SLC25A21: variants seen among roughly 807,000 people sequenced by gnomAD.
The protein encoded by SLC25A21 is mitochondrial 2-oxodicarboxylate carrier.
SLC25A21 carries 47 observed loss-of-function variants against 43.8 expected under a neutral mutation model. That is an observed-to-expected ratio of 1.07 (90% CI 0.85 to 1.37). The LOEUF is 1.37. Among genes scored for constraint, SLC25A21 ranks in the 40% most tolerant of loss-of-function variants. The pLI is 0.00. For missense variants in SLC25A21, 352 were observed against 350.2 expected (o/e 1.00, Z -0.04); for synonymous variants, 131 against 121.3 (o/e 1.08, Z -0.52).
At chr14:36,840,376 T>A (rs1889347993) in intron 2 of SLC25A21, among the ~76,000 whole-genome samples, 2 of 152,212 alleles carry the variant, frequency 1.3e-5, no homozygotes, top group African/African-American at 4.8e-5. Context: ...TCCTTATCTT[T>A]TGAATGAATT....
chr14:37,170,612 T>C (rs980076131), intron 1 of SLC25A21, among the ~76,000 whole-genome samples: 6 of 151,938 alleles, frequency 3.9e-5, no homozygotes, highest in Admixed American at 3.3e-4. Flanking sequence ...ATTGGAAAAC[T>C]GAAAGAGCAA....
In SLC25A21 at chr14:36,792,231, G is replaced by C. The variant is rs1033668564; in HGVS notation, c.203+21687C>G. On this transcript the variant is annotated intron_variant, in intron 3 of 9. Coordinates refer to ENST00000331299, the MANE Select transcript of SLC25A21 (RefSeq NM_030631.4). ...GCTAGTCCTAAAGAAGGAGAGAATA[G>C]GGCAATATTTTCCATTTAGGAGCAA... Among the ~76,000 whole-genome samples, 12 of 152,100 alleles carry C rather than the reference G, an allele frequency of 7.9e-5. 1 individual carries two copies. Among genetic ancestry groups the C allele is most frequent in the Admixed American group, 7.2e-4 (11 of 15,262 alleles).
intron 1 of SLC25A21, among the ~76,000 whole-genome samples, chr14:36,897,678 G>A (rs1056850590): frequency 2.0e-5 from 3 of 152,092 alleles, no homozygotes; most frequent in Admixed American, 6.6e-5. Context: ...TCTACCTTTG[G>A]TCTTTGATGA....
chr14:37,038,930 T>C (rs1467486), intron 1 of SLC25A21, among the ~76,000 whole-genome samples: 71,340 of 151,970 alleles, frequency 0.47, 19,145 homozygotes, highest in African/African-American at 0.75. Context: ...CCCGACACCA[T>C]ACAGGCCACA....
intron 1 of SLC25A21, among the ~76,000 whole-genome samples, chr14:37,130,886 T>C (rs1386252140): frequency 1.3e-5 from 2 of 152,182 alleles, no homozygotes; most frequent in East Asian, 1.9e-4. Flanking sequence ...TTTGGCCAAA[T>C]TGTTAAAGGT....
intron 1 of SLC25A21, among the ~76,000 whole-genome samples, chr14:36,877,661 G>A (rs1394091674): frequency 3.3e-5 from 5 of 152,158 alleles, no homozygotes; most frequent in Non-Finnish European, 7.4e-5. Context: ...ATGGGAGCAG[G>A]TGAGGGGTAG....
rs140657266 is a variant in SLC25A21, at chr14:37,007,600, A to AAATAATAATAATAATAATAAT, written c.71-132617_71-132597dup. Among the ~76,000 whole-genome samples, 595 of 148,104 alleles carry AAATAATAATAATAATAATAAT rather than the reference A, an allele frequency of 4.0e-3. 3 individuals carry two copies. The highest frequency in any genetic ancestry group is 0.012 in the African/African-American group (477 of 39,760). On this transcript the variant is annotated intron_variant, in intron 1 of 9. Coordinates refer to ENST00000331299, the MANE Select transcript of SLC25A21 (RefSeq NM_030631.4). ...CCTGACAGACAAGACTCCCTCTCAA[A>AAATAATAATAATAATAATAAT]AATAATAATAATAATAATAATAAAG...
At chr14:36,806,250 A>C (rs1888038645) in intron 3 of SLC25A21, among the ~76,000 whole-genome samples, 1 of 152,092 alleles carries the variant, frequency 6.6e-6, no homozygotes, top group Admixed American at 6.6e-5. Context: ...TTTTAAAAAA[A>C]GAGGTGGGTT....
At chr14:37,072,730 G>T (rs1962198152) in intron 1 of SLC25A21, among the ~76,000 whole-genome samples, 1 of 151,956 alleles carries the variant, frequency 6.6e-6, no homozygotes, top group African/African-American at 2.4e-5. Flanking sequence ...GGCGGAGCAA[G>T]ACTCTGTCTC....
At chr14:36,840,718 A>T (rs1889359212) in intron 2 of SLC25A21, among the ~76,000 whole-genome samples, 3 of 152,246 alleles carry the variant, frequency 2.0e-5, no homozygotes, top group Non-Finnish European at 2.9e-5. Context: ...GTAACACACA[A>T]GCTTCTTAGT....
intron 1 of SLC25A21, among the ~76,000 whole-genome samples, chr14:36,931,438 G>A (rs1464646102): frequency 6.6e-6 from 1 of 152,140 alleles, no homozygotes; most frequent in African/African-American, 2.4e-5. Context: ...GAGAAATGGA[G>A]AGCATTTGGC....
intron 1 of SLC25A21, among the ~76,000 whole-genome samples, chr14:37,125,234 C>T (rs1963277094): frequency 6.6e-6 from 1 of 152,104 alleles, no homozygotes; most frequent in Non-Finnish European, 1.5e-5. Flanking sequence ...CCTAAGGACT[C>T]TTCTGATAAA....
chr14:36,849,533 C>A (rs1889656307), intron 2 of SLC25A21, among the ~76,000 whole-genome samples: 1 of 152,150 alleles, frequency 6.6e-6, no homozygotes, highest in Non-Finnish European at 1.5e-5. Flanking sequence ...AAACCCTCCT[C>A]AAGGGAAAAG....
intron 1 of SLC25A21, among the ~76,000 whole-genome samples, chr14:36,956,549 G>C (rs962505351): frequency 5.3e-5 from 8 of 152,140 alleles, no homozygotes; most frequent in Non-Finnish European, 4.4e-5. Context: ...TAGCTCCCTA[G>C]CATTTGCTCA....
chr14:37,150,349 A>T (rs978177695), intron 1 of SLC25A21, among the ~76,000 whole-genome samples: 1 of 152,198 alleles, frequency 6.6e-6, no homozygotes, highest in Admixed American at 6.5e-5. Flanking sequence ...CTCTAATTCA[A>T]ATTTTACGGC....
At chr14:37,161,962 CAAAAA>C (rs36029964) in intron 1 of SLC25A21, among the ~76,000 whole-genome samples, 1 of 86,282 alleles carries the variant, frequency 1.2e-5, no homozygotes, top group Admixed American at 1.6e-4. Context: ...GACTCCGTCT[CAAAAA>C]AAAAAAAAAA....
intron 2 of SLC25A21, among the ~76,000 whole-genome samples, chr14:36,851,629 G>A (rs1021073443): frequency 2.0e-5 from 3 of 152,122 alleles, no homozygotes; most frequent in East Asian, 3.8e-4. Context: ...TTGACAATAA[G>A]CTACACAAAA....
At chr14:36,881,242 T>A (rs1231383360) in intron 1 of SLC25A21, among the ~76,000 whole-genome samples, 1 of 152,182 alleles carries the variant, frequency 6.6e-6, no homozygotes, top group Non-Finnish European at 1.5e-5. Flanking sequence ...AATTTTAAAA[T>A]CAAAATGTTA....
chr14:37,155,660 A>T (rs970568926), intron 1 of SLC25A21, among the ~76,000 whole-genome samples: 2 of 152,180 alleles, frequency 1.3e-5, no homozygotes, highest in Non-Finnish European at 2.9e-5. Flanking sequence ...AGAAAAACAA[A>T]ACAAAACCCA....
Sources: gnomAD v4.1 joint callset for allele counts (sites outside exome capture counted in the v4.1 genomes callset) on GRCh38, gnomAD v4.1.1 for gene constraint, MANE v1.5 for transcripts, NCBI Gene and HGNC (gene_info 2026-07-23, HGNC 2026-07-21) for gene names.